The following UTF1 variants were observed in gnomAD, a reference collection of about 807,000 sequenced individuals.
UTF1 encodes undifferentiated embryonic cell transcription factor 1.
In UTF1, 8 loss-of-function variants were observed where a neutral mutation model predicts 11.8. The ratio of observed to expected loss-of-function variants is 0.68; its 90% CI spans 0.40 to 1.23. The LOEUF (loss-of-function observed/expected upper bound fraction) is 1.23, where lower values mean the gene tolerates loss of function less well. UTF1 is among the 50% of genes most tolerant of loss of function. UTF1 has a pLI of 0.01. For missense variants in UTF1, 545 were observed against 542.1 expected (o/e 1.01, Z -0.05); for synonymous variants, 344 against 271.7 (o/e 1.27, Z -2.62).
In UTF1 at chr10:133,230,666, C is replaced by A; in HGVS notation, c.378C>A (p.Arg126=). The A allele has an allele frequency of 6.7e-7, 1 of 1,489,194 alleles. No homozygotes were observed. The highest frequency in any genetic ancestry group is 2.8e-5 in the East Asian group (1 of 35,126). The allele number at this position is 1,489,194 out of a possible 1,614,324, so 92.2% of individuals were successfully genotyped here. The change falls in exon 1 of 2, where the codon CGC becomes CGA. Residue 126 remains arginine, a synonymous_variant. Transcript: ENST00000304477. The part of the protein sequence containing the change: ...RRYKFLKDKF[R]EAHGQPPGPF... Reference sequence around the variant, plus strand: ...ACAAGTTCCTTAAAGACAAGTTTCGCGAGGCGCACGGCCAGCCGCCCGGGC... The same window carrying A: ...ACAAGTTCCTTAAAGACAAGTTTCGAGAGGCGCACGGCCAGCCGCCCGGGC...
Position 133,230,849 on chromosome 10 carries a change from G to A in UTF1, c.550+11G>A, listed in dbSNP as rs1372813105. 3.1e-6 allele frequency: 4 copies of A among 1,296,622 alleles called. No homozygotes were observed. The East Asian group carries it at 1.3e-4, about 42-fold the overall frequency. The allele number at this position is 1,296,622 out of a possible 1,614,324, so 80.3% of individuals were successfully genotyped here. On this transcript the variant is annotated intron_variant, in intron 1 of 1. Transcript: ENST00000304477. The stretch of plus-strand genomic sequence containing the variant: ...CTCCCAGCGAACCAGGTAGGCGGGG[G>A]ACTGGGGGGCCAGGTGGGGCCGAGG...
Position 133,231,063 on chromosome 10 carries a change from C to T in UTF1, c.647C>T (p.Pro216Leu), listed in dbSNP as rs914501674. The T allele has an allele frequency of 2.3e-6, 3 of 1,305,432 alleles. No homozygotes were observed. Among genetic ancestry groups the T allele is most frequent in the East Asian group, 3.2e-5 (1 of 31,278 alleles). 80.9% of individuals were successfully genotyped at this position (1,305,432 alleles called of 1,614,324 possible). A position where few individuals can be genotyped will look rare whatever the true frequency, so the allele number is the denominator to read the frequency against. Residue 216 changes from proline (P) to leucine (L), a missense_variant, in exon 2 of 2, where the codon CCC (proline) becomes CTC (leucine). Pro to Leu is a moderately conservative substitution (Grantham distance 98, BLOSUM62 -3). Transcript: ENST00000304477. ...CCACCGAAGTCTGCGGACGCCTCCC[C>T]CGCCCCCGGCTCCCCGCCAGCTCCC... ...PSPPKSADAS[P>L]APGSPPAPAP... is the part of the protein sequence containing the mutation.
rs1285024924 is a variant in UTF1, at chr10:133,231,447, C to G, written c.*5C>G. 6.2e-6 allele frequency: 9 copies of G among 1,456,730 alleles called. No individual in the cohort carries two copies. The highest frequency in any genetic ancestry group is 8.1e-6 in the Non-Finnish European group (9 of 1,106,740). 90.2% of individuals were successfully genotyped at this position (1,456,730 alleles called of 1,614,324 possible). Reference sequence around the variant, plus strand: ...CTCAGGGACCCGTGCCAGTGAGTCCCGGCTGCGGCCAGTCTCCCCTCTCCA... The same window carrying G: ...CTCAGGGACCCGTGCCAGTGAGTCCGGGCTGCGGCCAGTCTCCCCTCTCCA... On this transcript the variant is annotated 3_prime_UTR_variant, in exon 2 of 2. Transcript: ENST00000304477.
rs750939064 is a variant in UTF1 at position 133,230,717 on chromosome 10, C to G, written c.429C>G (p.Leu143=). 10 of 1,460,156 alleles carry G rather than the reference C, an allele frequency of 6.8e-6. No homozygotes were observed. In the Admixed American group the frequency reaches 2.4e-4, roughly 35 times the overall value. The allele number at this position is 1,460,156 out of a possible 1,614,324, so 90.4% of individuals were successfully genotyped here. ...PGPFDEQIRK[L]MGLLGDNGRK... Reference sequence around the variant, plus strand: ...CCTTCGACGAGCAGATCCGGAAGCTCATGGGGCTGCTGGGCGACAACGGGC... The same window carrying G: ...CCTTCGACGAGCAGATCCGGAAGCTGATGGGGCTGCTGGGCGACAACGGGC... Residue 143 remains leucine, a synonymous_variant, in exon 1 of 2, where the codon CTC becomes CTG. Transcript: ENST00000304477.
rs1249073762 is a variant in UTF1, at chr10:133,230,947, C to G, written c.551-20C>G. ...CGCGCCCCGCGAAAATCCGCCCGAC[C>G]GCCTGCTCCGCGTTCCCAGACGCCA... On this transcript the variant is annotated intron_variant, in intron 1 of 1. Transcript: ENST00000304477. 7.7e-7 allele frequency: 1 copy of G among 1,300,858 alleles called. No homozygotes were observed. The highest frequency in any genetic ancestry group is 1.6e-5 in the African/African-American group (1 of 64,290). 80.6% of individuals were successfully genotyped at this position (1,300,858 alleles called of 1,614,324 possible). A position where few individuals can be genotyped will look rare whatever the true frequency, so the allele number is the denominator to read the frequency against.
In UTF1 at chr10:133,230,726, G is replaced by C; in HGVS notation, c.438G>C (p.Leu146=). The change falls in exon 1 of 2, where the codon CTG becomes CTC. Residue 146 remains leucine (L), a synonymous_variant. Coordinates refer to ENST00000304477, the MANE Select transcript of UTF1 (RefSeq NM_003577.3). ...AGCAGATCCGGAAGCTCATGGGGCT[G>C]CTGGGCGACAACGGGCGCAAACGGC... ...FDEQIRKLMG[L]LGDNGRKRPR... The C allele has an allele frequency of 6.9e-7, 1 of 1,444,644 alleles. No homozygotes were observed. Among genetic ancestry groups the C allele is most frequent in the Non-Finnish European group, 9.1e-7 (1 of 1,101,646 alleles). 89.5% of individuals were successfully genotyped at this position (1,444,644 alleles called of 1,614,324 possible).
In UTF1 at chr10:133,231,265, G is replaced by T; in HGVS notation, c.849G>T (p.Leu283=). ...PSLNTALLQT[L]GHLGDIANIL... is the part of the protein sequence containing the mutation. The stretch of plus-strand genomic sequence containing the variant: ...TGAACACCGCCCTGCTGCAGACCCT[G>T]GGGCACCTGGGCGACATCGCGAACA... The change falls in exon 2 of 2, where the codon CTG becomes CTT. Residue 283 remains leucine (L), a synonymous_variant. Coordinates refer to ENST00000304477, the MANE Select transcript of UTF1 (RefSeq NM_003577.3). 6.3e-7 allele frequency: 1 copy of T among 1,583,144 alleles called. No individual in the cohort carries two copies.
Position 133,230,490 on chromosome 10 carries a change from A to T in UTF1, c.202A>T (p.Thr68Ser). 1 of 1,441,956 alleles carries T rather than the reference A, an allele frequency of 6.9e-7. No individual in the cohort carries two copies. The highest frequency in any genetic ancestry group is 9.1e-7 in the Non-Finnish European group (1 of 1,100,218). The allele number at this position is 1,441,956 out of a possible 1,614,324, so 89.3% of individuals were successfully genotyped here. A position where few individuals can be genotyped will look rare whatever the true frequency, so the allele number is the denominator to read the frequency against. Reference protein sequence around the residue: ...AQRTPWSARETELLLGTLLQP... With the variant: ...AQRTPWSARESELLLGTLLQP... Reference sequence around the variant, plus strand: ...GCGCACGCCCTGGAGCGCCCGGGAGACGGAGCTGCTGCTGGGGACGCTGCT... The same window carrying T: ...GCGCACGCCCTGGAGCGCCCGGGAGTCGGAGCTGCTGCTGGGGACGCTGCT... Residue 68 changes from threonine (T) to serine (S), a missense_variant, in exon 1 of 2, where the codon ACG becomes TCG. By Grantham distance (58) the Thr-to-Ser change is moderately conservative. This residue lies in a region of UTF1 where 129 missense variants were observed against 148.5 expected (regional missense o/e 0.87). Coordinates refer to ENST00000304477, the MANE Select transcript of UTF1 (RefSeq NM_003577.3).
Position 133,230,596 on chromosome 10 carries a change from C to T in UTF1, c.308C>T (p.Ala103Val), listed in dbSNP as rs1187379870. ...PTYRRVSAALAQQQVRRTPAQ... is the reference protein window; with the variant it reads ...PTYRRVSAALVQQQVRRTPAQ... ...TACCGCCGCGTGTCGGCCGCGCTGG[C>T]CCAGCAGCAGGTGCGCCGCACCCCC... The change falls in exon 1 of 2, where the codon GCC becomes GTC. Residue 103 changes from alanine (A) to valine (V), a missense_variant. Physicochemically the swap from Ala to Val is moderately conservative, Grantham distance 64 (BLOSUM62 0). Coordinates refer to ENST00000304477, the MANE Select transcript of UTF1 (RefSeq NM_003577.3). The T allele has an allele frequency of 1.8e-5, 25 of 1,411,140 alleles. No individual in the cohort carries two copies. The East Asian group carries it at 7.8e-4, about 44-fold the overall frequency. The allele number at this position is 1,411,140 out of a possible 1,614,324, so 87.4% of individuals were successfully genotyped here.
In UTF1 at chr10:133,231,523, C is replaced by T. The variant is rs1379867998; in HGVS notation, c.*81C>T. On this transcript the variant is annotated 3_prime_UTR_variant, in exon 2 of 2. Coordinates refer to ENST00000304477, the MANE Select transcript of UTF1 (RefSeq NM_003577.3). ...CTCCTGCTGCCTTCCCACCCCCGTT[C>T]TTGGGTATGTTCAATAAAAGGATTG... 40 of 1,131,584 alleles carry T rather than the reference C, an allele frequency of 3.5e-5. No homozygotes were observed. Among genetic ancestry groups the T allele is most frequent in the Non-Finnish European group, 4.6e-5 (39 of 842,568 alleles). The allele number at this position is 1,131,584 out of a possible 1,614,324, so 70.1% of individuals were successfully genotyped here.
At position 133,230,304 on chromosome 10, in the gene UTF1, C is replaced by G; in HGVS notation, c.16C>G (p.Arg6Gly). The G allele has an allele frequency of 9.3e-7, 1 of 1,073,776 alleles. No homozygotes were observed. Among genetic ancestry groups the G allele is most frequent in the Non-Finnish European group, 1.1e-6 (1 of 889,644 alleles). The allele number at this position is 1,073,776 out of a possible 1,614,324, so 66.5% of individuals were successfully genotyped here. The change falls in exon 1 of 2, where the codon CGC becomes GGC. Residue 6 changes from arginine (R) to glycine (G), a missense_variant. Coordinates refer to ENST00000304477, the MANE Select transcript of UTF1 (RefSeq NM_003577.3). The stretch of plus-strand genomic sequence containing the variant: ...CAGCCCCGGGATGCTGCTCCGGCCC[C>G]GCAGGCCGCCCCCGCTCGCGCCCCC... MLLRP[R>G]RPPPLAPPAP...
chr10:133,230,240 C>T lies in UTF1; in HGVS notation c.-49C>T. The T allele has an allele frequency of 6.8e-6, 7 of 1,030,828 alleles. No homozygotes were observed. Among genetic ancestry groups the T allele is most frequent in the Non-Finnish European group, 8.1e-6 (7 of 861,148 alleles). The allele number at this position is 1,030,828 out of a possible 1,614,324, so 63.9% of individuals were successfully genotyped here. On this transcript the variant is annotated 5_prime_UTR_variant, in exon 1 of 2. Coordinates refer to ENST00000304477, the MANE Select transcript of UTF1 (RefSeq NM_003577.3). ...TCAGAACGCGTGTGGGCGGCCCGGGCGGCGTCTGGCCCTCTCCCCATCCTC... is the reference window on the plus strand; with the variant it reads ...TCAGAACGCGTGTGGGCGGCCCGGGTGGCGTCTGGCCCTCTCCCCATCCTC...
At position 133,231,186 on chromosome 10, in the gene UTF1, C is replaced by G. The variant is rs1317530113; in HGVS notation, c.770C>G (p.Ser257Trp). The G allele has an allele frequency of 7.3e-7, 1 of 1,371,240 alleles. No homozygotes were observed. Among genetic ancestry groups the G allele is most frequent in the East Asian group, 3.1e-5 (1 of 32,540 alleles). The allele number at this position is 1,371,240 out of a possible 1,614,324, so 84.9% of individuals were successfully genotyped here. A position where few individuals can be genotyped will look rare whatever the true frequency, so the allele number is the denominator to read the frequency against. Residue 257 changes from serine (S) to tryptophan (W), a missense_variant, in exon 2 of 2, where the codon TCG (serine) becomes TGG (tryptophan). Physicochemically the swap from Ser to Trp is radical, Grantham distance 177. This residue lies in a region of UTF1 where 394 missense variants were observed against 341.5 expected (regional missense o/e 1.15). Coordinates refer to ENST00000304477, the MANE Select transcript of UTF1 (RefSeq NM_003577.3). ...PPPPAREDPD[S>W]PPGRPEDCAP... ...CCCCCGGCCCGCGAAGACCCCGACT[C>G]GCCGCCCGGCCGCCCCGAGGACTGC...
At position 133,231,419 on chromosome 10, in the gene UTF1, G is replaced by A. The variant is rs1163447830; in HGVS notation, c.1003G>A (p.Val335Ile). 3.3e-6 allele frequency: 5 copies of A among 1,527,502 alleles called. No individual in the cohort carries two copies. The highest frequency in any genetic ancestry group is 3.8e-5 in the Admixed American group (2 of 52,912). 94.6% of individuals were successfully genotyped at this position (1,527,502 alleles called of 1,614,324 possible). A position where few individuals can be genotyped will look rare whatever the true frequency, so the allele number is the denominator to read the frequency against. The change falls in exon 2 of 2, where the codon GTC becomes ATC. Residue 335 changes from valine to isoleucine, a missense_variant. Around this residue, in one of 3 missense-constraint regions of UTF1, gnomAD observed 394 missense variants for 341.5 expected, o/e 1.15. Coordinates refer to ENST00000304477, the MANE Select transcript of UTF1 (RefSeq NM_003577.3). ...ILGSAAAERG[V>I]LRDPCQ ...GGGCAGCGCGGCCGCCGAGCGAGGG[G>A]TCCTCAGGGACCCGTGCCAGTGAGT...
Position 133,230,739 on chromosome 10 carries a change from G to A in UTF1, c.451G>A (p.Gly151Arg), listed in dbSNP as rs1234549751. 2.1e-6 allele frequency: 3 copies of A among 1,422,712 alleles called. No homozygotes were observed. The highest frequency in any genetic ancestry group is 1.5e-5 in the African/African-American group (1 of 67,648). The allele number at this position is 1,422,712 out of a possible 1,614,324, so 88.1% of individuals were successfully genotyped here. The change falls in exon 1 of 2, where the codon GGG (glycine) becomes AGG (arginine). Residue 151 changes from glycine to arginine, a missense_variant. Coordinates refer to ENST00000304477, the MANE Select transcript of UTF1 (RefSeq NM_003577.3). ...GCTCATGGGGCTGCTGGGCGACAAC[G>A]GGCGCAAACGGCCTCGCCGCCGCTC... is the stretch of plus-strand genomic sequence containing the variant. ...RKLMGLLGDN[G>R]RKRPRRRSPG... is the part of the protein sequence containing the mutation.
Position 133,231,056 on chromosome 10 carries a change from G to T in UTF1, c.640G>T (p.Ala214Ser). The change falls in exon 2 of 2, where the codon GCC becomes TCC. Residue 214 changes from alanine to serine, a missense_variant. Transcript: ENST00000304477. ...FSPSPPKSADASPAPGSPPAP... is the reference protein window; with the variant it reads ...FSPSPPKSADSSPAPGSPPAP... The stretch of plus-strand genomic sequence containing the variant: ...CCCGTCCCCACCGAAGTCTGCGGAC[G>T]CCTCCCCCGCCCCCGGCTCCCCGCC... 7.7e-7 allele frequency: 1 copy of T among 1,305,376 alleles called. No homozygotes were observed. Among genetic ancestry groups the T allele is most frequent in the Non-Finnish European group, 9.7e-7 (1 of 1,030,308 alleles). 80.9% of individuals were successfully genotyped at this position (1,305,376 alleles called of 1,614,324 possible).
chr10:133,230,497 T>G lies in UTF1; in HGVS notation c.209T>G (p.Leu70Arg). The G allele has an allele frequency of 6.9e-7, 1 of 1,443,928 alleles. No homozygotes were observed. Among genetic ancestry groups the G allele is most frequent in the Admixed American group, 2.5e-5 (1 of 39,638 alleles). The allele number at this position is 1,443,928 out of a possible 1,614,324, so 89.4% of individuals were successfully genotyped here. A position where few individuals can be genotyped will look rare whatever the true frequency, so the allele number is the denominator to read the frequency against. ...RTPWSARETE[L>R]LLGTLLQPAV... ...CCCTGGAGCGCCCGGGAGACGGAGC[T>G]GCTGCTGGGGACGCTGCTGCAACCG... Residue 70 changes from leucine to arginine, a missense_variant, in exon 1 of 2, where the codon CTG becomes CGG. Transcript: ENST00000304477.
In UTF1 at chr10:133,231,102, TCGCCA is replaced by T. The variant is rs1845793693; in HGVS notation, c.688_692del (p.Ala230LeufsTer144). 1 of 1,080,434 alleles carries T rather than the reference TCGCCA, an allele frequency of 9.3e-7. No individual in the cohort carries two copies. Among genetic ancestry groups the T allele is most frequent in the Admixed American group, 8.6e-5 (1 of 11,638 alleles). 66.9% of individuals were successfully genotyped at this position (1,080,434 alleles called of 1,614,324 possible). On this transcript the variant is annotated frameshift_variant, in exon 2 of 2. Coordinates refer to ENST00000304477, the MANE Select transcript of UTF1 (RefSeq NM_003577.3). LOFTEE classifies it low-confidence loss of function (END_TRUNC). ...CCGCCAGCTCCCGCCCCGACCGCCC[TCGCCA>T]CCTGCATCCCCGAGGACCGCGCGCC...
rs11599284 is a variant in UTF1, at chr10:133,230,505, G to A, written c.217G>A (p.Gly73Arg). Residue 73 changes from glycine (G) to arginine (R), a missense_variant, in exon 1 of 2, where the codon GGG becomes AGG. Around this residue, in one of 3 missense-constraint regions of UTF1, gnomAD observed 129 missense variants for 148.5 expected, o/e 0.87. Transcript: ENST00000304477. ...WSARETELLL[G>R]TLLQPAVWRA... ...CGCCCGGGAGACGGAGCTGCTGCTGGGGACGCTGCTGCAACCGGCCGTGTG... is the reference window on the plus strand; with the variant it reads ...CGCCCGGGAGACGGAGCTGCTGCTGAGGACGCTGCTGCAACCGGCCGTGTG... 180,349 of 1,444,072 alleles carry A rather than the reference G, an allele frequency of 0.12. 12,385 individuals are homozygous for A. The highest frequency in any genetic ancestry group is 0.2 in the South Asian group (15,068 of 75,530). The allele number at this position is 1,444,072 out of a possible 1,614,324, so 89.5% of individuals were successfully genotyped here.
Sources: gnomAD v4.1 joint callset for allele counts on GRCh38, gnomAD v4.1.1 for gene constraint, gnomAD v4.1.1 regional missense constraint, MANE v1.5 for transcripts, NCBI Gene and HGNC (gene_info 2026-07-23, HGNC 2026-07-21) for gene names.